THRAP3: variants seen among roughly 807,000 people sequenced by gnomAD.
The protein encoded by THRAP3 is thyroid hormone receptor associated protein 3, also known as thyroid hormone receptor-associated protein 3.
A neutral mutation model predicts 101.0 loss-of-function variants in THRAP3; 16 were observed. The ratio of observed to expected loss-of-function variants is 0.16; its 90% CI spans 0.11 to 0.24. The LOEUF (loss-of-function observed/expected upper bound fraction) is 0.24. THRAP3 is among the 10% of genes least tolerant of loss of function. THRAP3 has a pLI of 1.00. For missense variants in THRAP3, 989 were observed against 1,202.7 expected, an observed-to-expected ratio of 0.82 and a Z score of 2.63; for synonymous variants, 407 against 422.6, an observed-to-expected ratio of 0.96 and a Z score of 0.45.
chr1:36,210,010 C>G, the THRAP3 span, among the ~76,000 whole-genome samples: 5 of 152,290 alleles, frequency 3.3e-5, no homozygotes, highest in South Asian at 2.1e-4. Context: ...CAGTGCTACT[C>G]AAAACAAAGT....
chr1:36,220,988 T>A (rs1644900725), upstream of THRAP3, among the ~76,000 whole-genome samples: 1 of 134,032 alleles, frequency 7.5e-6, no homozygotes, highest in African/African-American at 2.9e-5. Flanking sequence ...TATATATATA[T>A]ATATATATAT....
intron 8 of THRAP3, 120 bp downstream of exon 8, chr1:36,294,055 G>T: frequency 6.7e-7 from 1 of 1,490,850 alleles, no homozygotes; most frequent in Non-Finnish European, 9.0e-7. Context: ...TTAAGGATGG[G>T]CATAATTCTA....
chr1:36,230,989 T>A (rs1489417356), intron 1 of THRAP3, among the ~76,000 whole-genome samples: 1 of 152,220 alleles, frequency 6.6e-6, no homozygotes, highest in Non-Finnish European at 1.5e-5. Context: ...GCCAACAGTC[T>A]GACATGTAGC....
At chr1:36,228,304 G>C (rs148503840) in intron 1 of THRAP3, among the ~76,000 whole-genome samples, 44 of 152,054 alleles carry the variant, frequency 2.9e-4, no homozygotes, top group African/African-American at 1.0e-3. Flanking sequence ...TGCTACCTCT[G>C]CCTCCAGGGT....
the THRAP3 span, among the ~76,000 whole-genome samples, chr1:36,219,022 G>C: frequency 1.5e-5 from 2 of 133,142 alleles, no homozygotes; most frequent in Non-Finnish European, 3.1e-5. Flanking sequence ...AACAGAGCAA[G>C]GCTCCATCTC....
upstream of THRAP3, among the ~76,000 whole-genome samples, chr1:36,220,968 A>AT (rs1371401171): frequency 4.7e-4 from 63 of 132,988 alleles, no homozygotes; most frequent in African/African-American, 1.9e-3. Flanking sequence ...AAAAAAAAAA[A>AT]AAAAATATAT....
chr1:36,295,221 C>T (rs1201020708), intron 8 of THRAP3, among the ~76,000 whole-genome samples: 2 of 59,998 alleles, frequency 3.3e-5, no homozygotes, highest in African/African-American at 7.3e-5. Context: ...GAAACTCTGT[C>T]TCAAAAAAAA....
intron 1 of THRAP3, among the ~76,000 whole-genome samples, chr1:36,226,451 G>A (rs1446531002): frequency 1.3e-5 from 2 of 152,112 alleles, no homozygotes; most frequent in Non-Finnish European, 2.9e-5. Context: ...GTAGAGACGG[G>A]GTTTCACCAT....
At chr1:36,238,751 G>A (rs567352616) in intron 1 of THRAP3, among the ~76,000 whole-genome samples, 6 of 152,148 alleles carry the variant, frequency 3.9e-5, no homozygotes, top group Admixed American at 6.6e-5. Flanking sequence ...CATTGCCCAG[G>A]CTGGAGTGCA....
chr1:36,297,345 A>T lies in THRAP3; in HGVS notation c.2303+575A>T, dbSNP rs1570349224. 5.3e-5 allele frequency among the ~76,000 whole-genome samples: 8 copies of T among 151,786 alleles called. No individual in the cohort carries two copies. In the South Asian group the frequency reaches 1.7e-3, roughly 32 times the overall value. On this transcript the variant is annotated intron_variant, in intron 9 of 11. Coordinates refer to ENST00000354618, the MANE Select transcript of THRAP3 (RefSeq NM_005119.4). ...TGTTTACGTTTTTGAATGTTCCATG[A>T]CTTTTTAATCATGTGTCACGAAAAG...
intron 10 of THRAP3, 54 bp from the exon 11 acceptor site, chr1:36,301,498 TG>T: frequency 6.3e-7 from 1 of 1,587,532 alleles, no homozygotes; most frequent in Middle Eastern, 1.8e-4. Context: ...CAGGGGGGTT[TG>T]TTCCCCATTC....
At chr1:36,253,027 C>G (rs1457662999) in intron 1 of THRAP3, among the ~76,000 whole-genome samples, 1 of 139,278 alleles carries the variant, frequency 7.2e-6, no homozygotes, top group African/African-American at 2.6e-5. Context: ...TGGAATTCTG[C>G]TTTTGGGGAG....
rs1407303248 is a variant in THRAP3, at chr1:36,287,308, T to G, written c.1040+38T>G. 2.6e-6 allele frequency: 4 copies of G among 1,540,660 alleles called. No homozygotes were observed. In the African/African-American group the frequency reaches 4.1e-5, roughly 16 times the overall value. ...TTTCCCCTGCCTGGTTGTGTTTTTA[T>G]CTCACTAGCTGGCAGTTTAATTGTA... On this transcript the variant is annotated intron_variant, in intron 4 of 11. Coordinates refer to ENST00000354618, the MANE Select transcript of THRAP3 (RefSeq NM_005119.4).
At chr1:36,242,511 G>C (rs1373689094) in intron 1 of THRAP3, among the ~76,000 whole-genome samples, 2 of 146,056 alleles carry the variant, frequency 1.4e-5, no homozygotes, top group Non-Finnish European at 3.0e-5. Context: ...GGAGTGCAGA[G>C]ACGCGATCTC....
In THRAP3 at chr1:36,271,739, G is replaced by A. The variant is rs149698868; in HGVS notation, c.-31-10794G>A. Among the ~76,000 whole-genome samples, 728 of 151,694 alleles carry A rather than the reference G, an allele frequency of 4.8e-3. 14 individuals carry two copies. Among genetic ancestry groups the A allele is most frequent in the Admixed American group, 0.022 (332 of 15,180 alleles). On this transcript the variant is annotated intron_variant, in intron 2 of 11. Transcript: ENST00000354618. ...CTCCTTAGTAGTTGGGATCACAGAC[G>A]CATACCACCACACCCGGCTAATTTT...
At chr1:36,281,230 G>A (rs893405466) in intron 2 of THRAP3, among the ~76,000 whole-genome samples, 7 of 152,128 alleles carry the variant, frequency 4.6e-5, no homozygotes, top group African/African-American at 1.7e-4. Context: ...TAAAGAGCTG[G>A]AACAAATTGA....
rs1198348583 is a variant in THRAP3, at chr1:36,238,296, A to G, written c.-135+13791A>G. On this transcript the variant is annotated intron_variant, in intron 1 of 11. Coordinates refer to ENST00000354618, the MANE Select transcript of THRAP3 (RefSeq NM_005119.4). ...AACTAGAATTTAGATTAAGTACCAC[A>G]TTTGATGTTACTTGATTTTTCTGTT... Among the ~76,000 whole-genome samples, 8 of 152,294 alleles carry G rather than the reference A, an allele frequency of 5.3e-5. No homozygotes were observed. The South Asian group carries it at 1.5e-3, about 28-fold the overall frequency.
At chr1:36,266,062 G>A (rs1645510526) in intron 2 of THRAP3, among the ~76,000 whole-genome samples, 1 of 151,920 alleles carries the variant, frequency 6.6e-6, no homozygotes, top group African/African-American at 2.4e-5. Context: ...GCTGAGGTAG[G>A]GGAATTGCTT....
chr1:36,257,731 A>G (rs1645393418), intron 1 of THRAP3, among the ~76,000 whole-genome samples: 1 of 152,236 alleles, frequency 6.6e-6, no homozygotes, highest in African/African-American at 2.4e-5. Flanking sequence ...ATCCAAGAAG[A>G]GGTTAATTAA....
Sources: gnomAD v4.1 joint callset for allele counts (sites outside exome capture counted in the v4.1 genomes callset) on GRCh38, gnomAD v4.1.1 for gene constraint, MANE v1.5 for transcripts, NCBI Gene and HGNC (gene_info 2026-07-23, HGNC 2026-07-21) for gene names.